The following RNF2 variants were observed in gnomAD, a reference collection of about 807,000 sequenced individuals.
RNF2 encodes ring finger protein 2.
Under a neutral mutation model 37.2 loss-of-function variants are expected in RNF2, and 6 were observed. The observed-to-expected ratio is 0.16, with a 90% CI of 0.09 to 0.32. The LOEUF (loss-of-function observed/expected upper bound fraction) is 0.32. RNF2 is among the 10% of genes least tolerant of loss of function. RNF2 has a pLI of 1.00. For synonymous variants in RNF2, 133 were observed against 132.7 expected (o/e 1.00, Z -0.02); for missense variants, 251 against 404.0 (o/e 0.62, Z 3.25).
At chr1:185,099,313 G>T (rs1016452309) in intron 5 of RNF2, among the ~76,000 whole-genome samples, 5 of 152,192 alleles carry the variant, frequency 3.3e-5, no homozygotes, top group African/African-American at 1.2e-4. Flanking sequence ...CTCCCAAAAT[G>T]TTGGGATTAC....
Position 185,077,625 on chromosome 1 carries a change from G to GTTTTTTTTTTTTTTTT in RNF2, c.-2-9914_-2-9913insTTTTTTTTTTTTTTTT, listed in dbSNP as rs528747420. Among the ~76,000 whole-genome samples the GTTTTTTTTTTTTTTTT allele has an allele frequency of 1.6e-3, 186 of 115,612 alleles. 9 individuals carry two copies. Among genetic ancestry groups the GTTTTTTTTTTTTTTTT allele is most frequent in the African/African-American group, 5.6e-3 (170 of 30,432 alleles). The allele number at this position is 115,612 out of a possible 152,430, so 75.8% of individuals were successfully genotyped here. On this transcript the variant is annotated intron_variant, in intron 1 of 6. Transcript: ENST00000367510. ...TTTTTAATTGTTAGGAATTAACTTT[G>GTTTTTTTTTTTTTTTT]TTTTTTTTTTTTTGGCTAGAAATTT... is the stretch of plus-strand genomic sequence containing the variant.
chr1:185,049,179 T>TGC (rs1468696982), intron 1 of RNF2, among the ~76,000 whole-genome samples: 1 of 152,140 alleles, frequency 6.6e-6, no homozygotes, highest in African/African-American at 2.4e-5. Flanking sequence ...TGCATGCCAC[T>TGC]GCACTGCATC....
intron 1 of RNF2, among the ~76,000 whole-genome samples, chr1:185,062,794 A>G (rs1450927539): frequency 6.6e-6 from 1 of 151,928 alleles, no homozygotes; most frequent in Admixed American, 6.5e-5. Context: ...AAATGGATAT[A>G]AATAATTGGT....
intron 1 of RNF2, among the ~76,000 whole-genome samples, chr1:185,075,421 G>C (rs181976163): frequency 6.6e-6 from 1 of 152,202 alleles, no homozygotes; most frequent in African/African-American, 2.4e-5. Flanking sequence ...AAATTGTTCT[G>C]TTCCCCAGAA....
rs1650085808 is a variant in RNF2 at position 185,045,582 on chromosome 1, C to T, written c.-70C>T. Reference sequence around the variant, plus strand: ...CATATTGTGCGGCGGCGCCGGCGTCCGCGGCAGCTGATACCAGAGTCTTGC... The same window carrying T: ...CATATTGTGCGGCGGCGCCGGCGTCTGCGGCAGCTGATACCAGAGTCTTGC... On this transcript the variant is annotated 5_prime_UTR_variant, in exon 1 of 7. Coordinates refer to ENST00000367510, the MANE Select transcript of RNF2 (RefSeq NM_007212.4). 6.6e-6 allele frequency: 1 copy of T among 152,404 alleles called. No individual in the cohort carries two copies. Among genetic ancestry groups the T allele is most frequent in the Admixed American group, 6.5e-5 (1 of 15,288 alleles). The allele number at this position is 152,404 out of a possible 1,614,324, so 9.4% of individuals were successfully genotyped here. A position where few individuals can be genotyped will look rare whatever the true frequency, so the allele number is the denominator to read the frequency against.
intron 1 of RNF2, among the ~76,000 whole-genome samples, chr1:185,069,796 GCTTCTTTTTCC>G (rs1189159676): frequency 6.6e-6 from 1 of 152,182 alleles, no homozygotes; most frequent in Admixed American, 6.5e-5. Context: ...TGTTCAGTAT[GCTTCTTTTTCC>G]CTTAAGCTTC....
intron 1 of RNF2, among the ~76,000 whole-genome samples, chr1:185,085,145 C>CTTTTTTTTTTTTTTTTTT (rs71555455): frequency 8.7e-5 from 9 of 103,212 alleles, no homozygotes; most frequent in Admixed American, 3.5e-4. Flanking sequence ...CTTTCTTTTT[C>CTTTTTTTTTTTTTTTTTT]TTTTTTTTTT....
In RNF2 at chr1:185,098,301, C is replaced by G; in HGVS notation, c.694C>G (p.Pro232Ala). Residue 232 changes from proline to alanine, a missense_variant, in exon 5 of 7, where the codon CCT (proline) becomes GCT (alanine). Transcript: ENST00000367510. ...TAGTGAAATTGAATTAGTATTCAGG[C>G]CTCATCCCACACTTATGGAAAAAGA... ...GASEIELVFR[P>A]HPTLMEKDDS... The G allele has an allele frequency of 6.2e-7, 1 of 1,614,138 alleles. No homozygotes were observed. Among genetic ancestry groups the G allele is most frequent in the Non-Finnish European group, 8.5e-7 (1 of 1,180,010 alleles).
At chr1:185,080,146 G>C (rs1192736950) in intron 1 of RNF2, among the ~76,000 whole-genome samples, 2 of 152,070 alleles carry the variant, frequency 1.3e-5, no homozygotes, top group Non-Finnish European at 2.9e-5. Context: ...CTACTCTTCA[G>C]CTTTTCAGAC....
intron 1 of RNF2, among the ~76,000 whole-genome samples, chr1:185,076,308 T>TTTTTTTG (rs1431777673): frequency 6.2e-5 from 7 of 113,290 alleles, no homozygotes; most frequent in Non-Finnish European, 1.0e-4. Flanking sequence ...TTTTTTTTTT[T>TTTTTTTG]GAGACAGAGT....
intron 1 of RNF2, among the ~76,000 whole-genome samples, chr1:185,077,860 T>C (rs549988327): frequency 1.6e-4 from 25 of 152,314 alleles, no homozygotes; most frequent in Non-Finnish European, 2.2e-4. Context: ...ATTTTAAAAT[T>C]GCAGGTTATA....
At chr1:185,077,259 ACTTC>A (rs1443853163) in intron 1 of RNF2, among the ~76,000 whole-genome samples, 2 of 151,832 alleles carry the variant, frequency 1.3e-5, no homozygotes, top group Non-Finnish European at 2.9e-5. Flanking sequence ...TACTTTGATC[ACTTC>A]CTTTTCCCAT....
chr1:185,091,461 T>C, intron 2 of RNF2, 118 bp from the exon 3 acceptor site: 2 of 910,864 alleles, frequency 2.2e-6, no homozygotes, highest in South Asian at 2.0e-5. Context: ...ACAATGGCAG[T>C]GGCTGGGTGA....
chr1:185,083,420 T>A (rs1651486933), intron 1 of RNF2, among the ~76,000 whole-genome samples: 2 of 152,034 alleles, frequency 1.3e-5, no homozygotes, highest in Admixed American at 1.3e-4. Flanking sequence ...CAGGCTGGGT[T>A]TTTATTATAC....
chr1:185,060,650 A>G (rs911802687), intron 1 of RNF2, among the ~76,000 whole-genome samples: 1 of 152,196 alleles, frequency 6.6e-6, no homozygotes. Context: ...TTAGTTGACT[A>G]ATGGGTCACT....
chr1:185,059,151 AT>A (rs1268756969), intron 1 of RNF2, among the ~76,000 whole-genome samples: 5 of 151,820 alleles, frequency 3.3e-5, no homozygotes, highest in Non-Finnish European at 7.4e-5. Flanking sequence ...GAAGAGAGAG[AT>A]TAAGTTAGTC....
intron 2 of RNF2, 25 bp from the exon 3 acceptor site, chr1:185,091,554 T>C (rs1651765670): frequency 6.2e-7 from 1 of 1,605,910 alleles, no homozygotes; most frequent in African/African-American, 1.3e-5. Flanking sequence ...AAGTAGCTTT[T>C]AATTTTAAAG....
At chr1:185,085,330 A>G (rs1363464071) in intron 1 of RNF2, among the ~76,000 whole-genome samples, 1 of 151,362 alleles carries the variant, frequency 6.6e-6, no homozygotes, top group African/African-American at 2.4e-5. Context: ...TTGTATTTTT[A>G]GTAGAGACGG....
chr1:185,098,151 G>A lies in RNF2; in HGVS notation c.544G>A (p.Ala182Thr). The change falls in exon 5 of 7, where the codon GCA becomes ACA. Residue 182 changes from alanine to threonine, a missense_variant. Transcript: ENST00000367510. ...DNGDSSHCSN[A>T]STHSNQEAGP... ...TGGTGACAGTTCACACTGCAGTAAT[G>A]CATCCACACATAGCAATCAGGAAGC... 1 of 1,614,178 alleles carries A rather than the reference G, an allele frequency of 6.2e-7. No individual in the cohort carries two copies. Among genetic ancestry groups the A allele is most frequent in the Non-Finnish European group, 8.5e-7 (1 of 1,180,026 alleles).
Sources: gnomAD v4.1 joint callset for allele counts (sites outside exome capture counted in the v4.1 genomes callset) on GRCh38, gnomAD v4.1.1 for gene constraint, MANE v1.5 for transcripts, NCBI Gene and HGNC (gene_info 2026-07-23, HGNC 2026-07-21) for gene names.